LMNTD1: variants seen among roughly 807,000 people sequenced by gnomAD.
LMNTD1 encodes lamin tail domain-containing protein 1.
In LMNTD1, 35 loss-of-function variants were observed where a neutral mutation model predicts 50.9. The observed-to-expected ratio is 0.69, with a 90% CI of 0.53 to 0.91. The LOEUF (loss-of-function observed/expected upper bound fraction) is 0.91, where lower values mean the gene tolerates loss of function less well. Ranked by LOEUF, LMNTD1 falls within the 40% of genes least tolerant of loss-of-function variation. The pLI is 0.00. For missense variants in LMNTD1, 470 were observed against 475.5 expected (o/e 0.99, Z 0.11); for synonymous variants, 153 against 161.9 (o/e 0.94, Z 0.42).
chr12:25,491,926 G>A lies in LMNTD1; in HGVS notation c.*22+11812C>T, dbSNP rs117070737. ...AGTCCTTGGGAACATTTAGGGAGTT[G>A]ATAATTTACATAAAATAAGGTGCTA... On this transcript the variant is annotated intron_variant, in intron 9 of 9. Transcript: ENST00000458174. Among the ~76,000 whole-genome samples the A allele has an allele frequency of 4.2e-3, 637 of 152,250 alleles. 2 individuals are homozygous for A. Among genetic ancestry groups the A allele is most frequent in the Middle Eastern group, 0.024 (7 of 294 alleles).
At chr12:25,537,083 T>C (rs1256117105) in intron 4 of LMNTD1, among the ~76,000 whole-genome samples, 1 of 151,982 alleles carries the variant, frequency 6.6e-6, no homozygotes, top group African/African-American at 2.4e-5. Context: ...TCCTACCCCA[T>C]GGAGTCTCCC....
chr12:25,543,739 T>C (rs1943252753), intron 4 of LMNTD1, among the ~76,000 whole-genome samples: 1 of 151,884 alleles, frequency 6.6e-6, no homozygotes, highest in Non-Finnish European at 1.5e-5. Flanking sequence ...AAACTTCCCT[T>C]TTAGTACTGC....
chr12:25,558,802 C>T (rs1189253944), intron 1 of LMNTD1, among the ~76,000 whole-genome samples: 1 of 152,128 alleles, frequency 6.6e-6, no homozygotes, highest in African/African-American at 2.4e-5. Context: ...ATAAGAACAG[C>T]ATGGGAAAAA....
At chr12:25,622,950 C>T (rs990501656) in intron 1 of LMNTD1, among the ~76,000 whole-genome samples, 1 of 132,372 alleles carries the variant, frequency 7.6e-6, no homozygotes, top group Non-Finnish European at 1.7e-5. Context: ...TTTCTAGCCC[C>T]AAACAGATAA....
intron 1 of LMNTD1, among the ~76,000 whole-genome samples, chr12:25,645,763 T>G (rs778611126): frequency 4.6e-5 from 7 of 152,220 alleles, no homozygotes; most frequent in Non-Finnish European, 2.9e-5. Flanking sequence ...CAGTTTGTCC[T>G]TTTAAACTGG....
chr12:25,648,370 T>C (rs1475121315), intron 1 of LMNTD1: 3 of 726,896 alleles, frequency 4.1e-6, no homozygotes, highest in Non-Finnish European at 7.1e-6. Context: ...AAAAAATTGT[T>C]CTTATATCTC....
chr12:25,545,593 C>T (rs1232198746), intron 4 of LMNTD1, among the ~76,000 whole-genome samples: 1 of 151,600 alleles, frequency 6.6e-6, no homozygotes. Flanking sequence ...AAGCTTTGAA[C>T]ATTTTATTTT....
At chr12:25,555,965 CTTTTTTTTTTTTTT>C (rs71065954), upstream of LMNTD1, among the ~76,000 whole-genome samples, 3 of 69,410 alleles carry the variant, frequency 4.3e-5, no homozygotes, top group East Asian at 3.6e-4. Context: ...GTGCAATAAT[CTTTTTTTTTTTTTT>C]TTTTTTTTTT....
intron 1 of LMNTD1, among the ~76,000 whole-genome samples, chr12:25,602,567 G>C (rs1243855354): frequency 1.3e-5 from 2 of 152,060 alleles, no homozygotes; most frequent in East Asian, 3.9e-4. Flanking sequence ...CTTTCTCTGG[G>C]AATTTTTCTA....
chr12:25,491,165 C>T (rs1419745494), intron 9 of LMNTD1, among the ~76,000 whole-genome samples: 1 of 152,120 alleles, frequency 6.6e-6, no homozygotes, highest in Non-Finnish European at 1.5e-5. Flanking sequence ...TCATTTTTTC[C>T]CCTTTTTTCT....
At chr12:25,611,381 G>T (rs569649017) in intron 1 of LMNTD1, among the ~76,000 whole-genome samples, 1 of 152,146 alleles carries the variant, frequency 6.6e-6, no homozygotes, top group Non-Finnish European at 1.5e-5. Context: ...GTTTTAGGAG[G>T]GGTTGTTTTG....
In LMNTD1 at chr12:25,623,553, CAAAAAAAAA is replaced by C. The variant is rs57326398; in HGVS notation, c.58+24932_58+24940del. Among the ~76,000 whole-genome samples, 533 of 57,542 alleles carry C rather than the reference CAAAAAAAAA, an allele frequency of 9.3e-3. 6 individuals are homozygous for C. The South Asian group carries it at 0.1, about 11-fold the overall frequency. 37.7% of individuals were successfully genotyped at this position (57,542 alleles called of 152,430 possible). ...TGGGTGATAGAGCAAGACTCTGTCT[CAAAAAAAAA>C]AAAAAAAAAAAAAAAAAAAGGAGAG... On this transcript the variant is annotated intron_variant, in intron 1 of 7. Coordinates refer to the LMNTD1 transcript ENST00000445693.
intron 1 of LMNTD1, among the ~76,000 whole-genome samples, chr12:25,606,096 T>G (rs1318764801): frequency 6.6e-6 from 1 of 152,208 alleles, no homozygotes; most frequent in Non-Finnish European, 1.5e-5. Context: ...TTTGAAGCAG[T>G]TGTGAATGGG....
chr12:25,522,646 A>G (rs1241781614), intron 6 of LMNTD1, among the ~76,000 whole-genome samples: 1 of 152,166 alleles, frequency 6.6e-6, no homozygotes, highest in Non-Finnish European at 1.5e-5. Context: ...ATGAGTTCCT[A>G]TTGTATAGGA....
chr12:25,588,378 T>C (rs187086450), intron 1 of LMNTD1, among the ~76,000 whole-genome samples: 152 of 152,280 alleles, frequency 1.0e-3, no homozygotes, highest in African/African-American at 3.5e-3. Flanking sequence ...ATCTGAGTTA[T>C]AGGCCAAGCT....
rs144251118 is a variant in LMNTD1, at chr12:25,511,567, G to A, written c.1189+7228C>T. 2.5e-3 allele frequency among the ~76,000 whole-genome samples: 381 copies of A among 152,196 alleles called. 1 individual carries two copies. Among genetic ancestry groups the A allele is most frequent in the African/African-American group, 7.4e-3 (306 of 41,534 alleles). ...TGTTGGGCTGGAGATAAAGAGTTTG[G>A]AATCTTTCCTACTCCATTTCATTTT... On this transcript the variant is annotated intron_variant, in intron 8 of 9. Coordinates refer to ENST00000458174, the MANE Select transcript of LMNTD1 (RefSeq NM_001145728.2).
intron 9 of LMNTD1, among the ~76,000 whole-genome samples, chr12:25,500,981 C>CTGTT (rs35914975): frequency 0.015 from 2,288 of 151,738 alleles, 58 homozygotes; most frequent in African/African-American, 0.053. Flanking sequence ...TTGTTTTTGT[C>CTGTT]TGTTTGTTTG....
At chr12:25,485,121 A>G (rs1156290065) in intron 9 of LMNTD1, among the ~76,000 whole-genome samples, 2 of 147,626 alleles carry the variant, frequency 1.4e-5, no homozygotes, top group Non-Finnish European at 3.0e-5. Flanking sequence ...AGTCCCACCA[A>G]CAGTGTAAAA....
intron 8 of LMNTD1, among the ~76,000 whole-genome samples, chr12:25,506,460 C>T (rs972363463): frequency 2.0e-5 from 3 of 152,044 alleles, no homozygotes; most frequent in South Asian, 2.1e-4. Context: ...AATATCAACT[C>T]GAAACAATGC....
Sources: gnomAD v4.1 joint callset for allele counts (sites outside exome capture counted in the v4.1 genomes callset) on GRCh38, gnomAD v4.1.1 for gene constraint, MANE v1.5 for transcripts, NCBI Gene and HGNC (gene_info 2026-07-23, HGNC 2026-07-21) for gene names.